The following PDE8B variants were observed in gnomAD, a reference collection of about 807,000 sequenced individuals.
PDE8B encodes the protein phosphodiesterase 8B.
PDE8B carries 26 observed loss-of-function variants against 101.3 expected under a neutral mutation model. That is an observed-to-expected ratio of 0.26 (90% CI 0.19 to 0.36). The LOEUF is 0.36. PDE8B is among the 10% of genes least tolerant of loss of function. The pLI is 1.00. For synonymous variants in PDE8B, 424 were observed against 429.3 expected (o/e 0.99, Z 0.15); for missense variants, 810 against 1,163.1 (o/e 0.70, Z 4.42).
the PDE8B span, among the ~76,000 whole-genome samples, chr5:77,142,609 G>T: frequency 6.6e-6 from 1 of 152,140 alleles, no homozygotes; most frequent in Non-Finnish European, 1.5e-5. Context: ...TCTTGGAACT[G>T]CTGAAAACAA....
At chr5:77,289,958 C>A (rs1360406064) in intron 1 of PDE8B, among the ~76,000 whole-genome samples, 1 of 152,158 alleles carries the variant, frequency 6.6e-6, no homozygotes, top group Non-Finnish European at 1.5e-5. Context: ...ATGTAAGGCA[C>A]CTATTTCATT....
chr5:77,165,461 G>C, the PDE8B span: 1 of 152,190 alleles, frequency 6.6e-6, no homozygotes, highest in Non-Finnish European at 1.5e-5. Flanking sequence ...CTCTTCGGAC[G>C]TACAAGGCTC....
chr5:77,253,997 C>G (rs1758602274), intron 1 of PDE8B, among the ~76,000 whole-genome samples: 1 of 151,798 alleles, frequency 6.6e-6, no homozygotes, highest in African/African-American at 2.4e-5. Flanking sequence ...ACATTCTTTT[C>G]ATTAATATGG....
chr5:77,097,654 T>C, the PDE8B span, among the ~76,000 whole-genome samples: 1 of 118,036 alleles, frequency 8.5e-6, no homozygotes, highest in African/African-American at 2.8e-5. Flanking sequence ...GCTATTCCAA[T>C]TGTCTATCAG....
chr5:77,173,909 T>A, the PDE8B span, among the ~76,000 whole-genome samples: 6 of 152,166 alleles, frequency 3.9e-5, no homozygotes, highest in Non-Finnish European at 8.8e-5. Flanking sequence ...TTTAAGGCAT[T>A]TTGACTTTTG....
chr5:77,234,553 G>A (rs1354534463), intron 1 of PDE8B, among the ~76,000 whole-genome samples: 3 of 152,156 alleles, frequency 2.0e-5, no homozygotes, highest in Non-Finnish European at 4.4e-5. Flanking sequence ...AGAACAGGCC[G>A]AGGGAGCACT....
intron 10 of PDE8B, among the ~76,000 whole-genome samples, chr5:77,359,510 T>G (rs888685854): frequency 2.0e-5 from 3 of 152,176 alleles, no homozygotes; most frequent in African/African-American, 7.2e-5. Flanking sequence ...TTGACCCGTC[T>G]GTTCTCTCAT....
chr5:77,339,354 G>C (rs200365364), intron 6 of PDE8B, among the ~76,000 whole-genome samples: 1 of 152,176 alleles, frequency 6.6e-6, no homozygotes, highest in East Asian at 1.9e-4. Context: ...GGTTTGCCTG[G>C]CACAGAGATT....
At chr5:77,119,656 CAAA>C in the PDE8B span, 6 of 60,246 alleles carry the variant, frequency 1.0e-4, no homozygotes, top group South Asian at 6.4e-4. Context: ...GACTCTGTCT[CAAA>C]AAAAAAAAAA....
At chr5:77,364,400 G>A (rs1275632340) in intron 10 of PDE8B, among the ~76,000 whole-genome samples, 1 of 152,200 alleles carries the variant, frequency 6.6e-6, no homozygotes, top group Non-Finnish European at 1.5e-5. Context: ...CTTCGCTTCT[G>A]TGGTGCCTCA....
chr5:77,147,631 T>A, the PDE8B span: 1 of 152,230 alleles, frequency 6.6e-6, no homozygotes. Flanking sequence ...AGTAAAAAAA[T>A]GTTCTAATCC....
chr5:77,105,788 G>C, the PDE8B span: 1 of 152,166 alleles, frequency 6.6e-6, no homozygotes, highest in East Asian at 1.9e-4. Context: ...AGTTCCAGGT[G>C]CTCCACATCC....
intron 5 of PDE8B, among the ~76,000 whole-genome samples, chr5:77,333,123 G>T (rs955836240): frequency 6.6e-6 from 1 of 152,058 alleles, no homozygotes; most frequent in African/African-American, 2.4e-5. Flanking sequence ...AGTGGCTCAC[G>T]ATGCGTGATA....
chr5:77,269,484 A>G (rs1762363673), intron 1 of PDE8B, among the ~76,000 whole-genome samples: 1 of 152,114 alleles, frequency 6.6e-6, no homozygotes, highest in South Asian at 2.1e-4. Context: ...ACTTGATATG[A>G]TCCCATTTAT....
chr5:77,381,161 C>T (rs150594917), intron 10 of PDE8B, among the ~76,000 whole-genome samples: 7 of 152,262 alleles, frequency 4.6e-5, no homozygotes, highest in South Asian at 2.1e-4. Context: ...CTAAGACCAA[C>T]GGGATGTGGG....
At chr5:77,418,121 G>T in intron 17 of PDE8B, 108 bp from the exon 18 acceptor site, 1 of 772,858 alleles carries the variant, frequency 1.3e-6, no homozygotes. Flanking sequence ...GGCTAAAAAC[G>T]TTCTGAAAAT....
intron 10 of PDE8B, among the ~76,000 whole-genome samples, chr5:77,387,092 C>G (rs1298480098): frequency 6.6e-6 from 1 of 151,370 alleles, no homozygotes; most frequent in Non-Finnish European, 1.5e-5. Flanking sequence ...ACCTTGTTAG[C>G]CAGGATGGTC....
At chr5:77,115,009 A>G in the PDE8B span, 1 of 152,204 alleles carries the variant, frequency 6.6e-6, no homozygotes, top group African/African-American at 2.4e-5. Flanking sequence ...ATATAAAGAA[A>G]AAAAAAGAGT....
chr5:77,344,700 T>C (rs1214781198), intron 6 of PDE8B, among the ~76,000 whole-genome samples, 153 bp from the exon 7 acceptor site: 2 of 152,210 alleles, frequency 1.3e-5, no homozygotes, highest in Admixed American at 6.5e-5. Context: ...TTCCAACATA[T>C]GAACTGTTGG....
Sources: allele counts gnomAD v4.1 joint callset (sites outside exome capture counted in the v4.1 genomes callset), GRCh38; gene constraint gnomAD v4.1.1; transcripts MANE v1.5; gene names NCBI Gene and HGNC (gene_info 2026-07-23, HGNC 2026-07-21).